The following GRID1 variants were observed in gnomAD, a reference collection of about 807,000 sequenced individuals.
GRID1 encodes the protein glutamate ionotropic receptor delta type subunit 1.
A neutral mutation model predicts 98.0 loss-of-function variants in GRID1; 28 were observed. That is an observed-to-expected ratio of 0.29 (90% CI 0.21 to 0.39). The LOEUF (loss-of-function observed/expected upper bound fraction) is 0.39. GRID1 is among the 10% of genes least tolerant of loss of function. The pLI is 1.00. For synonymous variants in GRID1, 553 were observed against 538.5 expected (o/e 1.03, Z -0.37); for missense variants, 1,111 against 1,340.5 (o/e 0.83, Z 2.67).
intron 12 of GRID1, among the ~76,000 whole-genome samples, chr10:85,679,771 G>T (rs949710840): frequency 1.3e-5 from 2 of 152,172 alleles, no homozygotes; most frequent in African/African-American, 4.8e-5. Context: ...AACCAAGGCA[G>T]AAAGTATTTA....
chr10:85,618,461 AT>A (rs1222090105), intron 14 of GRID1, among the ~76,000 whole-genome samples: 4 of 152,138 alleles, frequency 2.6e-5, no homozygotes, highest in African/African-American at 9.7e-5. Context: ...TTCTTTCTTC[AT>A]GCATTTAATC....
At chr10:85,754,805 G>A (rs1842080365) in intron 8 of GRID1, among the ~76,000 whole-genome samples, 1 of 152,142 alleles carries the variant, frequency 6.6e-6, no homozygotes, top group Admixed American at 6.5e-5. Context: ...GTGACCTTGG[G>A]CAGGAAACTC....
chr10:85,810,066 G>C (rs191102639), intron 8 of GRID1, among the ~76,000 whole-genome samples: 39 of 152,012 alleles, frequency 2.6e-4, no homozygotes, highest in African/African-American at 8.9e-4. Flanking sequence ...ACTGGAGTGT[G>C]CTCTGCCCTG....
chr10:86,136,828 G>A (rs1844932782), intron 4 of GRID1, among the ~76,000 whole-genome samples: 1 of 152,174 alleles, frequency 6.6e-6, no homozygotes, highest in South Asian at 2.1e-4. Flanking sequence ...CTAGAGGGTG[G>A]GGGATTTAGA....
intron 2 of GRID1, among the ~76,000 whole-genome samples, chr10:86,318,921 C>A (rs1167214059): frequency 6.6e-6 from 1 of 152,150 alleles, no homozygotes; most frequent in Non-Finnish European, 1.5e-5. Flanking sequence ...AGGTGAGAAG[C>A]TCTATGGAAA....
At chr10:85,791,204 C>T (rs772843630) in intron 8 of GRID1, among the ~76,000 whole-genome samples, 19 of 152,132 alleles carry the variant, frequency 1.2e-4, no homozygotes, top group Non-Finnish European at 2.6e-4. Context: ...CCAGGTTGGC[C>T]CCCAAATCCA....
At chr10:86,320,623 C>T (rs1425881699) in intron 2 of GRID1, among the ~76,000 whole-genome samples, 1 of 152,070 alleles carries the variant, frequency 6.6e-6, no homozygotes, top group Non-Finnish European at 1.5e-5. Flanking sequence ...GATGGCTGCA[C>T]AGAATGTGAA....
chr10:86,067,370 G>T (rs546137631), intron 4 of GRID1, among the ~76,000 whole-genome samples: 5 of 152,152 alleles, frequency 3.3e-5, no homozygotes, highest in African/African-American at 7.2e-5. Flanking sequence ...GGCAGGTCAG[G>T]CTTGCCCTGT....
intron 2 of GRID1, among the ~76,000 whole-genome samples, chr10:86,285,718 C>T (rs1564728796): frequency 6.6e-6 from 1 of 152,104 alleles, no homozygotes; most frequent in Non-Finnish European, 1.5e-5. Context: ...GGAATAGGTA[C>T]AGATTAGATG....
At chr10:85,988,950 G>A (rs35467923) in intron 4 of GRID1, among the ~76,000 whole-genome samples, 55 of 152,232 alleles carry the variant, frequency 3.6e-4, no homozygotes, top group Non-Finnish European at 7.2e-4. Context: ...ACATGGGGAA[G>A]CCCCAGGGTG....
chr10:85,698,132 T>A (rs1841413965), intron 12 of GRID1, among the ~76,000 whole-genome samples: 1 of 152,050 alleles, frequency 6.6e-6, no homozygotes. Flanking sequence ...AATATCAAAT[T>A]TACAAATTTA....
chr10:85,682,998 G>C (rs1452596539), intron 12 of GRID1, among the ~76,000 whole-genome samples: 2 of 152,182 alleles, frequency 1.3e-5, no homozygotes, highest in Non-Finnish European at 2.9e-5. Flanking sequence ...TTCTACTTTT[G>C]TTGTTGTTGT....
chr10:85,984,418 G>A (rs978384931), intron 4 of GRID1, among the ~76,000 whole-genome samples: 1 of 152,202 alleles, frequency 6.6e-6, no homozygotes, highest in African/African-American at 2.4e-5. Context: ...GCCAAGGCAT[G>A]AGCTGCTTAT....
chr10:86,199,821 A>G (rs1845923163), intron 3 of GRID1, among the ~76,000 whole-genome samples: 1 of 152,092 alleles, frequency 6.6e-6, no homozygotes, highest in Admixed American at 6.5e-5. Context: ...GTTTGCAGAG[A>G]ATGACTTCAG....
intron 15 of GRID1, among the ~76,000 whole-genome samples, chr10:85,610,308 A>G (rs1174736079): frequency 6.6e-6 from 1 of 152,172 alleles, no homozygotes; most frequent in Non-Finnish European, 1.5e-5. Flanking sequence ...CTGCATGATA[A>G]AGTCAAAACC....
intron 2 of GRID1, among the ~76,000 whole-genome samples, chr10:86,328,557 T>C (rs1171687715): frequency 6.6e-6 from 1 of 152,234 alleles, no homozygotes; most frequent in Admixed American, 6.5e-5. Context: ...AGCACTTTCA[T>C]GGGCTTTTCC....
intron 8 of GRID1, among the ~76,000 whole-genome samples, chr10:85,811,521 C>A (rs1464860137): frequency 6.6e-6 from 1 of 151,788 alleles, no homozygotes; most frequent in Non-Finnish European, 1.5e-5. Context: ...TTAAAAAGAA[C>A]CAAACAAAAA....
chr10:86,303,339 A>T (rs1011456695), intron 2 of GRID1, among the ~76,000 whole-genome samples: 107 of 152,330 alleles, frequency 7.0e-4, no homozygotes, highest in Admixed American at 1.3e-3. Flanking sequence ...AAATATTTTT[A>T]AAAAAATTAG....
At chr10:86,177,493 T>C (rs758663951) in intron 3 of GRID1, among the ~76,000 whole-genome samples, 6 of 151,970 alleles carry the variant, frequency 3.9e-5, no homozygotes, top group African/African-American at 7.3e-5. Context: ...AGCGTGTGCA[T>C]GCATGTGTGC....
Sources: gnomAD v4.1 joint callset for allele counts (sites outside exome capture counted in the v4.1 genomes callset) on GRCh38, gnomAD v4.1.1 for gene constraint, MANE v1.5 for transcripts, NCBI Gene and HGNC (gene_info 2026-07-23, HGNC 2026-07-21) for gene names.